Variants in KDELR3 observed in about 807,000 individuals in gnomAD.
KDELR3 encodes the protein ER lumen protein-retaining receptor 3.
A neutral mutation model predicts 22.7 loss-of-function variants in KDELR3; 26 were observed. That is an observed-to-expected ratio of 1.15 (90% CI 0.84 to 1.59). The LOEUF is 1.59. KDELR3 is among the 40% of genes most tolerant of loss of function. KDELR3 has a pLI of 0.00. For synonymous variants in KDELR3, 120 were observed against 98.2 expected (o/e 1.22, Z -1.31); for missense variants, 289 against 251.1 (o/e 1.15, Z -1.02).
At chr22:38,480,340 C>T (rs1181201251) in intron 3 of KDELR3, among the ~76,000 whole-genome samples, 1 of 151,970 alleles carries the variant, frequency 6.6e-6, no homozygotes, top group Non-Finnish European at 1.5e-5. Context: ...GACGGGGTTT[C>T]ACCATGTTGG....
At chr22:38,471,879 A>G (rs1258770629) in intron 1 of KDELR3, among the ~76,000 whole-genome samples, 2 of 138,156 alleles carry the variant, frequency 1.4e-5, no homozygotes, top group African/African-American at 7.2e-5. Flanking sequence ...TAGGGGGGTC[A>G]TCCGAGCCTG....
chr22:38,482,650 TTA>T lies in KDELR3; in HGVS notation c.*115_*116del, dbSNP rs1303412282. ...TCAAATGTTAAAACCAGAAAAGTGT[TTA>T]GTGTGGATTTCAGCAAAACCTGATC... On this transcript the variant is annotated 3_prime_UTR_variant, in exon 5 of 5. Transcript: ENST00000216014. The T allele has an allele frequency of 1.1e-6, 1 of 941,126 alleles. No homozygotes were observed. Among genetic ancestry groups the T allele is most frequent in the Admixed American group, 2.1e-5 (1 of 47,878 alleles). The allele number at this position is 941,126 out of a possible 1,614,324, so 58.3% of individuals were successfully genotyped here.
chr22:38,469,205 G>A (rs1048268554), intron 1 of KDELR3, among the ~76,000 whole-genome samples: 1 of 152,226 alleles, frequency 6.6e-6, no homozygotes, highest in Non-Finnish European at 1.5e-5. Flanking sequence ...GGGCTCCGGG[G>A]ATGAAGAGGC....
chr22:38,468,914 G>C (rs772338543), intron 1 of KDELR3, among the ~76,000 whole-genome samples: 2 of 152,240 alleles, frequency 1.3e-5, no homozygotes, highest in African/African-American at 2.4e-5. Flanking sequence ...CCTGCTGGGG[G>C]TTTGGAGAAG....
chr22:38,481,356 T>C lies in KDELR3; in HGVS notation c.496T>C (p.Trp166Arg). The C allele has an allele frequency of 6.2e-7, 1 of 1,614,230 alleles. No individual in the cohort carries two copies. The highest frequency in any genetic ancestry group is 8.5e-7 in the Non-Finnish European group (1 of 1,180,034). Residue 166 changes from tryptophan to arginine, a missense_variant, in exon 4 of 5, where the codon TGG (tryptophan) becomes CGG (arginine). Transcript: ENST00000216014. ...GLYRALYLAN[W>R]IRRYQTENFY... ...GTACCGGGCACTCTACCTGGCTAAC[T>C]GGATCAGGCGGTACCAGACTGAGAA...
intron 4 of KDELR3, 146 bp downstream of exon 4, chr22:38,481,610 CAATA>C (rs1354649260): frequency 1.9e-5 from 28 of 1,499,408 alleles, no homozygotes; most frequent in Non-Finnish European, 2.4e-5. Context: ...CAAATATTTT[CAATA>C]AAGAAACAAA....
intron 3 of KDELR3, among the ~76,000 whole-genome samples, chr22:38,480,004 C>A (rs975837138): frequency 5.3e-5 from 8 of 152,316 alleles, no homozygotes; most frequent in African/African-American, 1.9e-4. Context: ...TTCTGTTCAA[C>A]CGATTAGCAG....
Position 38,474,636 on chromosome 22 carries a change from G to A in KDELR3, c.192+13G>A, listed in dbSNP as rs1471178797. On this transcript the variant is annotated intron_variant, in intron 2 of 4. Coordinates refer to ENST00000216014, the MANE Select transcript of KDELR3 (RefSeq NM_006855.4). Reference sequence around the variant, plus strand: ...CACAGTAATGAAGGTGAGGGGCTGGGTGATGATGGTTGGGGGAAGCCACCA... The same window carrying A: ...CACAGTAATGAAGGTGAGGGGCTGGATGATGATGGTTGGGGGAAGCCACCA... 1.2e-6 allele frequency: 2 copies of A among 1,603,296 alleles called. No homozygotes were observed. The highest frequency in any genetic ancestry group is 2.2e-5 in the East Asian group (1 of 44,766).
intron 2 of KDELR3, among the ~76,000 whole-genome samples, chr22:38,475,101 AAAAAGAC>A (rs1489697269): frequency 6.6e-6 from 1 of 150,794 alleles, no homozygotes; most frequent in Non-Finnish European, 1.5e-5. Flanking sequence ...AAAAAAAAAA[AAAAAGAC>A]AGTACCATTA....
Position 38,474,522 on chromosome 22 carries a change from G to A in KDELR3, c.92-1G>A, listed in dbSNP as rs1240832130. The A allele has an allele frequency of 1.9e-6, 3 of 1,613,310 alleles. No individual in the cohort carries two copies. The African/African-American group carries it at 4.0e-5, about 22-fold the overall frequency. On this transcript the variant is annotated splice_acceptor_variant, in intron 1 of 4. Coordinates refer to ENST00000216014, the MANE Select transcript of KDELR3 (RefSeq NM_006855.4). LOFTEE classifies it high-confidence loss of function. ...TGTCTCCTGTCTACCCTTGGCCACA[G>A]GCATCTCTGGGAAGAGCCAGATCCT...
chr22:38,469,313 G>C (rs2089509107), intron 1 of KDELR3, among the ~76,000 whole-genome samples: 1 of 152,230 alleles, frequency 6.6e-6, no homozygotes, highest in Non-Finnish European at 1.5e-5. Context: ...GGCTGGTCCA[G>C]ATGTGAAAGG....
rs533844590 is a variant in KDELR3, at chr22:38,475,693, C to T, written c.192+1070C>T. On this transcript the variant is annotated intron_variant, in intron 2 of 4. Transcript: ENST00000216014. ...CCAGGCTGGAGTGCAGCAGCGCAAT[C>T]TCAGCTCACTGCAGCCTCCACCTCC... 7.2e-5 allele frequency among the ~76,000 whole-genome samples: 11 copies of T among 152,176 alleles called. No individual in the cohort carries two copies. In the East Asian group the frequency reaches 1.7e-3, roughly 24 times the overall value.
intron 1 of KDELR3, 139 bp from the exon 2 acceptor site, chr22:38,474,384 G>A (rs564666219): frequency 1.8e-5 from 11 of 622,828 alleles, no homozygotes; most frequent in South Asian, 1.6e-4. Context: ...CTTAGGGAGC[G>A]ACAGTGCCCT....
At chr22:38,474,282 G>C (rs759792255) in intron 1 of KDELR3, 3 of 394,130 alleles carry the variant, frequency 7.6e-6, no homozygotes, top group African/African-American at 2.1e-5. Flanking sequence ...CTCGGTGTTC[G>C]TGTCTTTATT....
chr22:38,474,451 T>C, intron 1 of KDELR3, 72 bp from the exon 2 acceptor site: 2 of 1,216,472 alleles, frequency 1.6e-6, no homozygotes, highest in East Asian at 2.3e-5. Flanking sequence ...AGCTCCAGGC[T>C]GTGCACCTCT....
chr22:38,469,012 C>T (rs1483472249), intron 1 of KDELR3, among the ~76,000 whole-genome samples: 5 of 152,250 alleles, frequency 3.3e-5, no homozygotes, highest in Non-Finnish European at 4.4e-5. Context: ...CCACCGGCAT[C>T]CTCGTGGTGC....
intron 2 of KDELR3, among the ~76,000 whole-genome samples, chr22:38,478,031 G>A (rs1454058655): frequency 6.6e-6 from 1 of 152,200 alleles, no homozygotes; most frequent in Admixed American, 6.5e-5. Flanking sequence ...CTCTCTTAGA[G>A]GGGAGATGGA....
chr22:38,481,336 G>T lies in KDELR3; in HGVS notation c.476G>T (p.Arg159Leu), dbSNP rs766103461. ...THYLFFLGLY[R>L]ALYLANWIRR... ...TACCTGTTCTTTCTGGGTCTGTACC[G>T]GGCACTCTACCTGGCTAACTGGATC... Residue 159 changes from arginine to leucine, a missense_variant, in exon 4 of 5, where the codon CGG (arginine) becomes CTG (leucine). By Grantham distance (102) the Arg-to-Leu change is moderately radical. Transcript: ENST00000216014. The T allele has an allele frequency of 6.2e-7, 1 of 1,614,098 alleles. No homozygotes were observed. Among genetic ancestry groups the T allele is most frequent in the Admixed American group, 1.7e-5 (1 of 60,004 alleles).
intron 2 of KDELR3, 50 bp from the exon 3 acceptor site, chr22:38,479,543 C>T: frequency 1.3e-6 from 2 of 1,543,476 alleles, no homozygotes; most frequent in South Asian, 1.1e-5. Flanking sequence ...AGTAAATAGG[C>T]CGGGAAATGA....
Sources: gnomAD v4.1 joint callset for allele counts (sites outside exome capture counted in the v4.1 genomes callset) on GRCh38, gnomAD v4.1.1 for gene constraint, MANE v1.5 for transcripts, NCBI Gene and HGNC (gene_info 2026-07-23, HGNC 2026-07-21) for gene names.